The following SELENON variants were observed in gnomAD, a reference collection of about 807,000 sequenced individuals.
SELENON encodes selenoprotein N.
In SELENON, 44 loss-of-function variants were observed where a neutral mutation model predicts 59.5. The ratio of observed to expected loss-of-function variants is 0.74; its 90% CI spans 0.58 to 0.95. SELENON has a LOEUF of 0.95. Among genes scored for constraint, SELENON ranks in the 40% least tolerant of loss-of-function variants. SELENON has a pLI of 0.00. For synonymous variants in SELENON, 320 were observed against 305.6 expected (o/e 1.05, Z -0.49); for missense variants, 674 against 721.4 (o/e 0.93, Z 0.75).
intron 2 of SELENON, 95 bp downstream of exon 2, chr1:25,801,255 T>G: frequency 1.0e-6 from 1 of 992,982 alleles, no homozygotes; most frequent in Non-Finnish European, 1.6e-6. Context: ...GGGAAGCTCG[T>G]GGGATCTCAG....
chr1:25,812,818 G>A (rs1484202106), intron 10 of SELENON, 26 bp downstream of exon 9: 3 of 1,551,208 alleles, frequency 1.9e-6, no homozygotes, highest in Non-Finnish European at 2.7e-6. Context: ...GGATCTAAGG[G>A]GAGCAGTGGG....
At chr1:25,801,440 C>T (rs1418674896) in intron 2 of SELENON, among the ~76,000 whole-genome samples, 3 of 152,126 alleles carry the variant, frequency 2.0e-5, no homozygotes, top group Admixed American at 6.5e-5. Flanking sequence ...ATGGAAGGAT[C>T]GCTTGAGCCC....
intron 3 of SELENON, among the ~76,000 whole-genome samples, chr1:25,804,335 G>C (rs967317003): frequency 2.0e-5 from 3 of 152,094 alleles, no homozygotes; most frequent in African/African-American, 7.2e-5. Context: ...CTGCTTTAAT[G>C]CATCATTCAG....
Position 25,812,672 on chromosome 1 carries a change from T to G in SELENON, c.1282-15T>G, listed in dbSNP as rs1437406296. On this transcript the variant is annotated splice_polypyrimidine_tract_variant and intron_variant, in intron 9 of 12. Coordinates refer to ENST00000361547, the MANE Select transcript of SELENON (RefSeq NM_020451.3). ...GCTTTGATGATGGCTTCGCTCTGTCTCGGTGTGGCCCCAGGTCTCCTACTT... is the reference window on the plus strand; with the variant it reads ...GCTTTGATGATGGCTTCGCTCTGTCGCGGTGTGGCCCCAGGTCTCCTACTT... 6.2e-7 allele frequency: 1 copy of G among 1,603,870 alleles called. No individual in the cohort carries two copies. The highest frequency in any genetic ancestry group is 1.3e-5 in the African/African-American group (1 of 74,596).
intron 3 of SELENON, among the ~76,000 whole-genome samples, chr1:25,804,501 G>C (rs12097554): frequency 0.83 from 125,150 of 151,082 alleles, 52,019 homozygotes; most frequent in East Asian, 0.98. Flanking sequence ...GGCGTCATTT[G>C]TCCCTTAGCC....
intron 7 of SELENON, 140 bp from the exon 7 acceptor site, chr1:25,811,314 C>T (rs2047957683): frequency 2.4e-6 from 2 of 824,952 alleles, no homozygotes; most frequent in Non-Finnish European, 2.1e-6. Flanking sequence ...ATCCCAGTGG[C>T]TCTGAGAGCA....
At chr1:25,806,165 C>G (rs1012978925) in intron 4 of SELENON, among the ~76,000 whole-genome samples, 1 of 152,240 alleles carries the variant, frequency 6.6e-6, no homozygotes, top group Non-Finnish European at 1.5e-5. Context: ...AGGCTGGTCA[C>G]TGAGGCCAGG....
chr1:25,803,661 G>T (rs1177045510), intron 3 of SELENON, among the ~76,000 whole-genome samples: 1 of 151,986 alleles, frequency 6.6e-6, no homozygotes, highest in Non-Finnish European at 1.5e-5. Context: ...AGATCATACA[G>T]CTAGGTGGTG....
rs1023299249 is a variant in SELENON, at chr1:25,816,865, G to C, written c.*1147G>C. The stretch of plus-strand genomic sequence containing the variant: ...AAATCCTCGATGGGTCCAGCTTGAT[G>C]TCTTTGCAGCTGCACCTATGGGAAG... On this transcript the variant is annotated 3_prime_UTR_variant, in exon 13 of 13. Coordinates refer to ENST00000361547, the MANE Select transcript of SELENON (RefSeq NM_020451.3). 6.5e-6 allele frequency: 1 copy of C among 152,690 alleles called. No individual in the cohort carries two copies. The highest frequency in any genetic ancestry group is 1.5e-5 in the Non-Finnish European group (1 of 68,080). The allele number at this position is 152,690 out of a possible 1,614,324, so 9.5% of individuals were successfully genotyped here.
intron 7 of SELENON, among the ~76,000 whole-genome samples, chr1:25,810,147 C>T (rs1032882699): frequency 1.3e-5 from 2 of 152,198 alleles, no homozygotes; most frequent in Non-Finnish European, 2.9e-5. Flanking sequence ...GCAGCCTGTG[C>T]ACGCCACCAA....
At chr1:25,811,903 CCAGGGTCAGG>C (rs2047964006) in intron 9 of SELENON, 24 bp downstream of exon 8, 2 of 1,550,958 alleles carry the variant, frequency 1.3e-6, no homozygotes, top group African/African-American at 2.7e-5. Flanking sequence ...GGGGTGAAGG[CCAGGGTCAGG>C]CTGCATGGGC....
At chr1:25,814,036 G>A in intron 11 of SELENON, 41 bp from the exon 11 acceptor site, 1 of 1,611,482 alleles carries the variant, frequency 6.2e-7, no homozygotes, top group Middle Eastern at 1.7e-4. Context: ...CGGAACAGTG[G>A]TGGGGGCCGC....
chr1:25,803,902 C>T (rs2047880500), intron 3 of SELENON, among the ~76,000 whole-genome samples: 1 of 152,056 alleles, frequency 6.6e-6, no homozygotes. Context: ...GGGGTTTCAT[C>T]ATGTTGGCCA....
intron 4 of SELENON, among the ~76,000 whole-genome samples, chr1:25,805,577 C>T (rs547592513): frequency 1.3e-5 from 2 of 152,174 alleles, no homozygotes. Context: ...TTGGGGGGGT[C>T]TCGGAGGAAG....
At chr1:25,801,189 G>T in intron 2 of SELENON, 29 bp downstream of exon 2, 3 of 1,579,376 alleles carry the variant, frequency 1.9e-6, no homozygotes, top group Non-Finnish European at 2.6e-6. Context: ...GGCTGGGGAG[G>T]AGGGCGCCTT....
At chr1:25,800,492 G>C in intron 1 of SELENON, 79 bp downstream of exon 1, 1 of 834,106 alleles carries the variant, frequency 1.2e-6, no homozygotes, top group Non-Finnish European at 1.5e-6. Flanking sequence ...GGGGGACATG[G>C]GCATGGACGA....
intron 4 of SELENON, among the ~76,000 whole-genome samples, chr1:25,806,827 T>TG (rs1557428934): frequency 6.9e-6 from 1 of 145,042 alleles, no homozygotes; most frequent in African/African-American, 2.7e-5. Context: ...TTCTTTTTTT[T>TG]TTTTTTTTTT....
intron 9 of SELENON, 122 bp from the exon 9 acceptor site, chr1:25,812,555 CTACACACAAA>C (rs1318284501): frequency 2.3e-5 from 13 of 567,750 alleles, no homozygotes; most frequent in Non-Finnish European, 4.0e-5. Flanking sequence ...ATATATATGC[CTACACACAAA>C]CACACACACA....
intron 3 of SELENON, among the ~76,000 whole-genome samples, chr1:25,804,898 A>G (rs1278681679): frequency 6.6e-6 from 1 of 152,158 alleles, no homozygotes; most frequent in Non-Finnish European, 1.5e-5. Flanking sequence ...GACCTGGGGA[A>G]GTGACTTTAC....
Sources: gnomAD v4.1 joint callset for allele counts (sites outside exome capture counted in the v4.1 genomes callset) on GRCh38, gnomAD v4.1.1 for gene constraint, MANE v1.5 for transcripts, NCBI Gene and HGNC (gene_info 2026-07-23, HGNC 2026-07-21) for gene names.